The following MIER3 variants were observed in gnomAD, a reference collection of about 807,000 sequenced individuals.
MIER3 encodes the protein mesoderm induction early response protein 3.
MIER3 carries 9 observed loss-of-function variants against 63.2 expected under a neutral mutation model. The ratio of observed to expected loss-of-function variants is 0.14; its 90% CI spans 0.09 to 0.25. The LOEUF (loss-of-function observed/expected upper bound fraction) is 0.25, where lower values mean the gene tolerates loss of function less well. Among genes scored for constraint, MIER3 ranks in the 10% least tolerant of loss-of-function variants. The pLI, the probability that MIER3 is intolerant of heterozygous loss-of-function variation, is 1.00. For synonymous variants in MIER3, 205 were observed against 224.9 expected, an observed-to-expected ratio of 0.91 and a Z score of 0.79; for missense variants, 512 against 666.2, an observed-to-expected ratio of 0.77 and a Z score of 2.55.
chr5:56,935,768 TA>T lies in MIER3; in HGVS notation c.437-18del. The T allele has an allele frequency of 6.2e-7, 1 of 1,601,754 alleles. No individual in the cohort carries two copies. The highest frequency in any genetic ancestry group is 8.5e-7 in the Non-Finnish European group (1 of 1,173,144). On this transcript the variant is annotated intron_variant, in intron 5 of 12. Coordinates refer to ENST00000381199, the MANE Select transcript of MIER3 (RefSeq NM_001297599.2). ...CAGTATTTGCTTAAAAGACAAAAATTAAAAAGGTTTTTACTGCCTATTTTTG... is the reference window on the plus strand; with the variant it reads ...CAGTATTTGCTTAAAAGACAAAAATTAAAAGGTTTTTACTGCCTATTTTTG...
intron 7 of MIER3, 143 bp from the exon 8 acceptor site, chr5:56,933,541 A>G (rs1384657175): frequency 6.9e-6 from 5 of 727,378 alleles, no homozygotes; most frequent in Non-Finnish European, 1.0e-5. Flanking sequence ...ATTATCCGTT[A>G]AGTAGGGCCT....
At chr5:56,926,937 A>AC (rs1750015312) in intron 10 of MIER3, among the ~76,000 whole-genome samples, 1 of 151,844 alleles carries the variant, frequency 6.6e-6, no homozygotes, top group Non-Finnish European at 1.5e-5. Context: ...CAAACAAAAA[A>AC]CCCCATGGTG....
intron 3 of MIER3, chr5:56,941,163 C>CAA: frequency 1.7e-5 from 17 of 985,160 alleles, no homozygotes; most frequent in Non-Finnish European, 2.0e-5. Context: ...GAGTAAGTCT[C>CAA]AAAGTCTGTA....
chr5:56,928,725 A>C, intron 10 of MIER3, 42 bp downstream of exon 10: 1 of 1,394,256 alleles, frequency 7.2e-7, no homozygotes, highest in East Asian at 2.3e-5. Context: ...GCTTACATTC[A>C]CTGTAACTAG....
intron 3 of MIER3, chr5:56,941,602 C>T (rs1232582408): frequency 6.6e-6 from 1 of 152,012 alleles, no homozygotes; most frequent in Non-Finnish European, 1.5e-5. Context: ...AAGAATGGCT[C>T]AAGAGAATGG....
Position 56,938,868 on chromosome 5 carries a change from A to T in MIER3, c.315+15T>A. 2 of 1,605,770 alleles carry T rather than the reference A, an allele frequency of 1.2e-6. No homozygotes were observed. The highest frequency in any genetic ancestry group is 2.2e-5 in the South Asian group (2 of 90,180). ...TAACAGACCCTGAATTTTTCTTTCA[A>T]ATGCTCACACTTACTTTGTCTAGTG... On this transcript the variant is annotated intron_variant, in intron 4 of 12. Coordinates refer to ENST00000381199, the MANE Select transcript of MIER3 (RefSeq NM_001297599.2).
chr5:56,950,702 G>A (rs1448436667), intron 1 of MIER3, 50 bp from the exon 2 acceptor site: 3 of 1,607,362 alleles, frequency 1.9e-6, no homozygotes, highest in Non-Finnish European at 2.6e-6. Flanking sequence ...GCCAGGGAAA[G>A]AGGCAGCGCC....
Position 56,928,296 on chromosome 5 carries a change from C to G in MIER3, c.924+471G>C, listed in dbSNP as rs187281153. ...CTTCCAAGCTATCTTCCAACGTGGC[C>G]ATACCACTTTGCATTCCTACAGGCA... On this transcript the variant is annotated intron_variant, in intron 10 of 12. Coordinates refer to ENST00000381199, the MANE Select transcript of MIER3 (RefSeq NM_001297599.2). The G allele has an allele frequency of 3.0e-3, 459 of 152,530 alleles. 1 individual carries two copies. The highest frequency in any genetic ancestry group is 5.4e-3 in the Non-Finnish European group (367 of 68,212). 9.4% of individuals were successfully genotyped at this position (152,530 alleles called of 1,614,324 possible). A position where few individuals can be genotyped will look rare whatever the true frequency, so the allele number is the denominator to read the frequency against.
At position 56,933,583 on chromosome 5, in the gene MIER3, T is replaced by C. The variant is rs181931680; in HGVS notation, c.596-185A>G. Among the ~76,000 whole-genome samples, 21 of 152,318 alleles carry C rather than the reference T, an allele frequency of 1.4e-4. 1 individual carries two copies. The East Asian group carries it at 3.9e-3, about 28-fold the overall frequency. ...CACAAGCGAAAATTTAACTTTATTA[T>C]AGGCCAAGGATTCCAGGGGCCAAAG... On this transcript the variant is annotated intron_variant, in intron 7 of 12. Transcript: ENST00000381199.
chr5:56,935,025 T>C (rs1750392341), intron 7 of MIER3, among the ~76,000 whole-genome samples: 1 of 152,204 alleles, frequency 6.6e-6, no homozygotes, highest in South Asian at 2.1e-4. Context: ...GGAAGGAGAA[T>C]TTCTTCCAGT....
intron 3 of MIER3, among the ~76,000 whole-genome samples, chr5:56,946,072 C>T (rs1374911788): frequency 6.6e-6 from 1 of 152,144 alleles, no homozygotes; most frequent in Non-Finnish European, 1.5e-5. Flanking sequence ...TCTTCTGTTT[C>T]CCTGTGTATT....
intron 8 of MIER3, 59 bp downstream of exon 8, chr5:56,933,188 A>G (rs1370958520): frequency 3.1e-5 from 45 of 1,458,286 alleles, no homozygotes; most frequent in Non-Finnish European, 3.9e-5. Flanking sequence ...TGTATCAAAT[A>G]TAAGAAATCA....
intron 10 of MIER3, chr5:56,928,375 AAT>A (rs763670089): frequency 1.9e-5 from 3 of 154,114 alleles, no homozygotes; most frequent in African/African-American, 4.8e-5. Flanking sequence ...GTGGTGTTAG[AAT>A]ATGTTTCTAG....
At chr5:56,950,698 G>T (rs765273739) in intron 1 of MIER3, 46 bp from the exon 2 acceptor site, 10 of 1,608,742 alleles carry the variant, frequency 6.2e-6, no homozygotes, top group Non-Finnish European at 8.5e-6. Context: ...CACAGCCAGG[G>T]AAAGAGGCAG....
intron 10 of MIER3, among the ~76,000 whole-genome samples, 188 bp from the exon 11 acceptor site, chr5:56,924,230 G>A (rs1235903262): frequency 6.6e-6 from 1 of 151,712 alleles, no homozygotes; most frequent in Non-Finnish European, 1.5e-5. Context: ...ATTTAATAAT[G>A]AGGCCATTTT....
In MIER3 at chr5:56,930,498, A is replaced by G. The variant is rs141631397; in HGVS notation, c.829+166T>C. Among the ~76,000 whole-genome samples the G allele has an allele frequency of 2.6e-4, 40 of 152,336 alleles. No individual in the cohort carries two copies. The East Asian group carries it at 3.5e-3, about 13-fold the overall frequency. On this transcript the variant is annotated intron_variant, in intron 9 of 12. Transcript: ENST00000381199. ...TTTGTGTTTGAACAGTCTCTGATAC[A>G]TCTAAAAATAGAGTGCAAGAAAAGG...
chr5:56,936,069 T>C (rs1750433766), intron 5 of MIER3, among the ~76,000 whole-genome samples: 1 of 151,894 alleles, frequency 6.6e-6, no homozygotes, highest in Admixed American at 6.6e-5. Flanking sequence ...ACAAAAAAAT[T>C]AGCCGGGCGT....
intron 1 of MIER3, among the ~76,000 whole-genome samples, chr5:56,951,663 G>C (rs888856653): frequency 2.6e-5 from 4 of 152,084 alleles, no homozygotes; most frequent in African/African-American, 9.6e-5. Flanking sequence ...CAGGGCAGTG[G>C]CGCAGCCCGC....
chr5:56,937,470 C>T (rs1284643896), intron 5 of MIER3, 108 bp downstream of exon 5: 8 of 1,100,958 alleles, frequency 7.3e-6, no homozygotes, highest in Non-Finnish European at 1.0e-5. Flanking sequence ...TTTATCTCAA[C>T]CACATAAAAT....
Sources: gnomAD v4.1 joint callset for allele counts (sites outside exome capture counted in the v4.1 genomes callset) on GRCh38, gnomAD v4.1.1 for gene constraint, MANE v1.5 for transcripts, NCBI Gene and HGNC (gene_info 2026-07-23, HGNC 2026-07-21) for gene names.